Variants in FOXP2 observed in about 807,000 individuals in gnomAD.
FOXP2 encodes forkhead box protein P2.
Under a neutral mutation model 115.8 loss-of-function variants are expected in FOXP2, and 12 were observed. The observed-to-expected ratio is 0.10, with a 90% CI of 0.07 to 0.17. FOXP2 has a LOEUF of 0.17. Ranked by LOEUF, FOXP2 falls within the 10% of genes least tolerant of loss-of-function variation. The pLI, the probability that FOXP2 is intolerant of heterozygous loss-of-function variation, is 1.00. For missense variants in FOXP2, 629 were observed against 843.5 expected (o/e 0.75, Z 3.15); for synonymous variants, 328 against 297.7 (o/e 1.10, Z -1.05).
chr7:114,444,622 A>G (rs780485411), intron 2 of FOXP2, among the ~76,000 whole-genome samples: 43 of 151,754 alleles, frequency 2.8e-4, no homozygotes, highest in Non-Finnish European at 4.9e-4. Context: ...TGACTTCTCT[A>G]TGATGCATTA....
At chr7:114,669,829 T>A (rs181526182) in intron 16 of FOXP2, 7 of 152,192 alleles carry the variant, frequency 4.6e-5, no homozygotes, top group African/African-American at 1.7e-4. Context: ...TTAGTTCTAC[T>A]CAGTTGTTTC....
At chr7:114,583,470 G>T (rs1801971254) in intron 3 of FOXP2, among the ~76,000 whole-genome samples, 1 of 151,982 alleles carries the variant, frequency 6.6e-6, no homozygotes, top group African/African-American at 2.4e-5. Context: ...TTTCTAACCA[G>T]CTCCACCCAA....
intron 10 of FOXP2, among the ~76,000 whole-genome samples, chr7:114,656,886 AG>A (rs1806620291): frequency 6.6e-6 from 1 of 152,196 alleles, no homozygotes; most frequent in African/African-American, 2.4e-5. Flanking sequence ...CATTAAAAAA[AG>A]GTTTATCTTA....
chr7:114,100,350 T>C (rs1408812560), intron 1 of FOXP2, among the ~76,000 whole-genome samples: 19 of 152,180 alleles, frequency 1.2e-4, no homozygotes, highest in Non-Finnish European at 2.5e-4. Context: ...AAATGTTGTG[T>C]CCAGAACTAA....
intron 2 of FOXP2, among the ~76,000 whole-genome samples, chr7:114,322,840 T>C (rs537525222): frequency 1.3e-5 from 2 of 152,320 alleles, no homozygotes; most frequent in Admixed American, 1.3e-4. Context: ...TATACACGTA[T>C]TTTGTTGGTT....
At position 114,464,759 on chromosome 7, in the gene FOXP2, G is replaced by A. The variant is rs143014905; in HGVS notation, c.168+38080G>A. Among the ~76,000 whole-genome samples the A allele has an allele frequency of 1.9e-3, 283 of 152,356 alleles. 10 individuals are homozygous for A. The East Asian group carries it at 0.046, about 25-fold the overall frequency. ...TATTCATGGCTATATGGTAGTCCAT[G>A]ATGGTAGTATTCATGGCTATATGGT... is the stretch of plus-strand genomic sequence containing the variant. On this transcript the variant is annotated intron_variant, in intron 2 of 16. Transcript: ENST00000350908.
intron 2 of FOXP2, among the ~76,000 whole-genome samples, chr7:114,526,848 G>T (rs919170370): frequency 6.6e-5 from 10 of 152,248 alleles, no homozygotes; most frequent in African/African-American, 2.2e-4. Flanking sequence ...AATTCAGGGA[G>T]TTTTTAGCAT....
At chr7:114,302,359 A>C (rs574715015) in intron 2 of FOXP2, among the ~76,000 whole-genome samples, 5 of 152,288 alleles carry the variant, frequency 3.3e-5, no homozygotes, top group African/African-American at 9.6e-5. Context: ...ACAAATATTC[A>C]TGTATTAATG....
chr7:114,188,034 A>G (rs1042947415), intron 1 of FOXP2, among the ~76,000 whole-genome samples: 3 of 152,166 alleles, frequency 2.0e-5, no homozygotes, highest in Non-Finnish European at 2.9e-5. Context: ...TTTCAACATG[A>G]GTTTTGGAAT....
intron 2 of FOXP2, among the ~76,000 whole-genome samples, chr7:114,490,104 C>A (rs574331283): frequency 1.3e-5 from 2 of 152,234 alleles, no homozygotes; most frequent in African/African-American, 2.4e-5. Context: ...TATATCCACA[C>A]AACAATCTGC....
intron 1 of FOXP2, among the ~76,000 whole-genome samples, chr7:114,226,622 G>C (rs937808565): frequency 6.6e-6 from 1 of 152,040 alleles, no homozygotes; most frequent in African/African-American, 2.4e-5. Flanking sequence ...AGCTTACCAG[G>C]ATATTTAATT....
chr7:114,664,476 TA>T (rs1474963926), intron 16 of FOXP2, 40 bp downstream of exon 16: 8 of 1,609,042 alleles, frequency 5.0e-6, no homozygotes, highest in Non-Finnish European at 6.8e-6. Flanking sequence ...GAAGAATCTA[TA>T]TTAATATGCT....
intron 3 of FOXP2, among the ~76,000 whole-genome samples, chr7:114,622,956 T>C (rs1052481254): frequency 1.3e-5 from 2 of 151,928 alleles, no homozygotes; most frequent in Admixed American, 6.6e-5. Context: ...AGTTACTAAA[T>C]GTAAATAAAT....
intron 10 of FOXP2, among the ~76,000 whole-genome samples, chr7:114,655,598 CA>C (rs1317195718): frequency 1.3e-5 from 2 of 151,886 alleles, no homozygotes; most frequent in South Asian, 4.2e-4. Context: ...TCACAACCCT[CA>C]AAAAAACCCT....
At chr7:114,643,247 T>G (rs936788431) in intron 7 of FOXP2, among the ~76,000 whole-genome samples, 1 of 152,198 alleles carries the variant, frequency 6.6e-6, no homozygotes, top group Non-Finnish European at 1.5e-5. Flanking sequence ...ATGACTGATA[T>G]GATTAACCTG....
intron 1 of FOXP2, among the ~76,000 whole-genome samples, chr7:114,416,828 G>T (rs1793369269): frequency 6.6e-6 from 1 of 151,912 alleles, no homozygotes; most frequent in African/African-American, 2.4e-5. Flanking sequence ...ACCTAACAGA[G>T]ATTACGGTAT....
rs1562856834 is a variant in FOXP2, at chr7:114,291,868, A to AT, written c.-11+3760dup. 3.7e-4 allele frequency among the ~76,000 whole-genome samples: 12 copies of AT among 32,580 alleles called. 1 individual carries two copies. In the Admixed American group the frequency reaches 5.9e-3, roughly 16 times the overall value. The allele number at this position is 32,580 out of a possible 152,430, so 21.4% of individuals were successfully genotyped here. A position where few individuals can be genotyped will look rare whatever the true frequency, so the allele number is the denominator to read the frequency against. ...ATATATATAACATTTTATATATAATATATAGATAATATATAGAATATATAT... is the reference window on the plus strand; with the variant it reads ...ATATATATAACATTTTATATATAATATTATAGATAATATATAGAATATATAT... On this transcript the variant is annotated intron_variant, in intron 2 of 17. Transcript: ENST00000634411.
chr7:114,587,203 T>C (rs1175941243), intron 3 of FOXP2, among the ~76,000 whole-genome samples: 1 of 152,068 alleles, frequency 6.6e-6, no homozygotes, highest in Non-Finnish European at 1.5e-5. Context: ...CATTAGGTAT[T>C]TGTCCTGATG....
At chr7:114,550,910 G>C (rs1800173189) in intron 3 of FOXP2, among the ~76,000 whole-genome samples, 1 of 152,152 alleles carries the variant, frequency 6.6e-6, no homozygotes, top group South Asian at 2.1e-4. Flanking sequence ...TGTTTGATAT[G>C]GTTATGTTAT....
Sources: gnomAD v4.1 joint callset for allele counts (sites outside exome capture counted in the v4.1 genomes callset) on GRCh38, gnomAD v4.1.1 for gene constraint, MANE v1.5 for transcripts, NCBI Gene and HGNC (gene_info 2026-07-23, HGNC 2026-07-21) for gene names.